The following PKD1L1 variants were observed in gnomAD, a reference collection of about 807,000 sequenced individuals.
PKD1L1 encodes the protein polycystin-1-like protein 1.
In PKD1L1, 236 loss-of-function variants were observed where a neutral mutation model predicts 323.4. The observed-to-expected ratio is 0.73, with a 90% CI of 0.66 to 0.81. The LOEUF (loss-of-function observed/expected upper bound fraction) is 0.81. PKD1L1 is among the 40% of genes least tolerant of loss of function. The pLI is 0.00. For synonymous variants in PKD1L1, 1,344 were observed against 1,335.0 expected (o/e 1.01, Z -0.15); for missense variants, 3,320 against 3,508.0 (o/e 0.95, Z 1.35).
intron 8 of PKD1L1, 62 bp downstream of exon 8, chr7:47,915,370 C>G: frequency 1.3e-6 from 1 of 770,950 alleles, no homozygotes; most frequent in Non-Finnish European, 2.4e-6. Flanking sequence ...AATGAAAATT[C>G]CTGACAAACA....
chr7:47,800,415 G>A (rs1288576739), intron 54 of PKD1L1, among the ~76,000 whole-genome samples: 3 of 152,182 alleles, frequency 2.0e-5, no homozygotes, highest in Non-Finnish European at 4.4e-5. Flanking sequence ...TGGAGGAAGT[G>A]GCACCCTGGG....
chr7:47,941,533 GTATTA>G (rs1238565507), intron 2 of PKD1L1, among the ~76,000 whole-genome samples: 1 of 152,216 alleles, frequency 6.6e-6, no homozygotes, highest in Non-Finnish European at 1.5e-5. Flanking sequence ...AGAGTCCAGT[GTATTA>G]ATATCTTGTG....
intron 24 of PKD1L1, among the ~76,000 whole-genome samples, chr7:47,868,347 C>A (rs1396067104): frequency 6.6e-6 from 1 of 151,694 alleles, no homozygotes. Context: ...GCAGCCTGGG[C>A]GACAGGGTGA....
intron 37 of PKD1L1, 94 bp downstream of exon 37, chr7:47,836,827 G>A (rs1025401583): frequency 4.7e-5 from 66 of 1,413,326 alleles, no homozygotes; most frequent in Middle Eastern, 2.5e-4. Context: ...AACTTTTCTC[G>A]GAGAACTGTG....
intron 13 of PKD1L1, 75 bp downstream of exon 13, chr7:47,902,304 A>G: frequency 6.4e-7 from 1 of 1,553,688 alleles, no homozygotes; most frequent in Non-Finnish European, 8.7e-7. Flanking sequence ...AACTCTCACC[A>G]CTCCAAACAG....
At chr7:47,939,981 G>T (rs1221473637) in intron 3 of PKD1L1, among the ~76,000 whole-genome samples, 1 of 152,186 alleles carries the variant, frequency 6.6e-6, no homozygotes. Flanking sequence ...CTCTGGGCTG[G>T]GCTAGCCCTG....
rs1784645924 is a variant in PKD1L1 at position 47,800,831 on chromosome 7, G to A, written c.8011C>T (p.Leu2671=). 1.2e-6 allele frequency: 2 copies of A among 1,614,004 alleles called. No individual in the cohort carries two copies. Among genetic ancestry groups the A allele is most frequent in the Non-Finnish European group, 1.7e-6 (2 of 1,180,022 alleles). The part of the protein sequence containing the change: ...LAALSHLHRF[L]LSMWVLPPGT... Reference sequence around the variant, plus strand: ...GGTGGTAGAACCCACATAGAGAGCAGAAATCGGTGCAGGTGGGAGAGGGCG... The same window carrying A: ...GGTGGTAGAACCCACATAGAGAGCAAAAATCGGTGCAGGTGGGAGAGGGCG... The change falls in exon 54 of 57, where the codon CTG becomes TTG. Residue 2671 remains leucine, a synonymous_variant. Transcript: ENST00000289672.
Position 47,918,554 on chromosome 7 carries a change from C to T in PKD1L1, c.1061-2955G>A, listed in dbSNP as rs976890395. On this transcript the variant is annotated intron_variant, in intron 7 of 56. Transcript: ENST00000289672. ...TGTACAGAACATTCCATCCAACATA[C>T]GCAGAATATACATTCTATTCAATAG... Among the ~76,000 whole-genome samples, 8 of 151,816 alleles carry T rather than the reference C, an allele frequency of 5.3e-5. No homozygotes were observed. The South Asian group carries it at 8.3e-4, about 16-fold the overall frequency.
At chr7:47,881,830 G>A (rs1786559925) in intron 20 of PKD1L1, 79 bp downstream of exon 20, 1 of 1,409,380 alleles carries the variant, frequency 7.1e-7, no homozygotes, top group Non-Finnish European at 9.6e-7. Context: ...AAAACGAAAA[G>A]TTCAGAAGAA....
Position 47,887,106 on chromosome 7 carries a change from T to C in PKD1L1, c.2836+884A>G, listed in dbSNP as rs79527554. Among the ~76,000 whole-genome samples the C allele has an allele frequency of 3.5e-3, 535 of 152,322 alleles. 3 individuals are homozygous for C. Among genetic ancestry groups the C allele is most frequent in the African/African-American group, 0.013 (524 of 41,586 alleles). On this transcript the variant is annotated intron_variant, in intron 17 of 56. Coordinates refer to ENST00000289672, the MANE Select transcript of PKD1L1 (RefSeq NM_138295.5). Reference sequence around the variant, plus strand: ...CAGCATGGGCTCTGATTCAGAAAAGTTAAATTTACCTAAAAGAATTTGGAA... The same window carrying C: ...CAGCATGGGCTCTGATTCAGAAAAGCTAAATTTACCTAAAAGAATTTGGAA...
chr7:47,877,368 C>T lies in PKD1L1; in HGVS notation c.3663+121G>A, dbSNP rs145237713. ...CAACTTTCCAACATTCAACGGCAGG[C>T]TGAAATCCTTCACAGGTGGGAAGGA... On this transcript the variant is annotated intron_variant, in intron 22 of 56. Transcript: ENST00000289672. The T allele has an allele frequency of 1.6e-4, 225 of 1,395,944 alleles. 1 individual carries two copies. The African/African-American group carries it at 2.9e-3, about 18-fold the overall frequency. The allele number at this position is 1,395,944 out of a possible 1,614,324, so 86.5% of individuals were successfully genotyped here.
At chr7:47,900,957 T>C (rs1267538925) in intron 13 of PKD1L1, among the ~76,000 whole-genome samples, 1 of 151,890 alleles carries the variant, frequency 6.6e-6, no homozygotes, top group East Asian at 1.9e-4. Context: ...ATACTGAAAA[T>C]AAATAATTAG....
intron 56 of PKD1L1, among the ~76,000 whole-genome samples, chr7:47,782,164 G>A (rs1322992290): frequency 1.3e-5 from 2 of 152,166 alleles, no homozygotes; most frequent in Admixed American, 1.3e-4. Flanking sequence ...TAAACCAGCT[G>A]TCTATGAGAG....
Position 47,888,033 on chromosome 7 carries a change from C to G in PKD1L1, c.2793G>C (p.Trp931Cys). ...CTGTTGCATTGACTAAAAAGAGATCCCAGGAATAAGACAGATTCGGTATTT... is the reference window on the plus strand; with the variant it reads ...CTGTTGCATTGACTAAAAAGAGATCGCAGGAATAAGACAGATTCGGTATTT... ...CSEIPNLSYS[W>C]DLFLVNATEK... The change falls in exon 17 of 57, where the codon TGG becomes TGC. Residue 931 changes from tryptophan to cysteine, a missense_variant. Trp to Cys is a radical substitution (Grantham distance 215, BLOSUM62 -2). Coordinates refer to ENST00000289672, the MANE Select transcript of PKD1L1 (RefSeq NM_138295.5). The G allele has an allele frequency of 6.2e-7, 1 of 1,613,782 alleles. No individual in the cohort carries two copies. The highest frequency in any genetic ancestry group is 8.5e-7 in the Non-Finnish European group (1 of 1,179,758).
Position 47,841,772 on chromosome 7 carries a change from G to GCACCCCAC in PKD1L1, c.5445+1182_5445+1189dup, listed in dbSNP as rs1226296556. On this transcript the variant is annotated intron_variant, in intron 34 of 56. Transcript: ENST00000289672. ...TGGGGTTTGATGAATTCACTTCTAG[G>GCACCCCAC]CACCCCACCATTTTTTACTGTGACA... Among the ~76,000 whole-genome samples, 6 of 152,056 alleles carry GCACCCCAC rather than the reference G, an allele frequency of 3.9e-5. No homozygotes were observed. The East Asian group carries it at 1.2e-3, about 29-fold the overall frequency.
chr7:47,937,055 G>T, intron 3 of PKD1L1, 97 bp from the exon 4 acceptor site: 2 of 926,744 alleles, frequency 2.2e-6, no homozygotes, highest in South Asian at 1.5e-5. Flanking sequence ...AATAGCAGTG[G>T]ACCCCTGCTG....
At chr7:47,791,982 C>T (rs1786960415) in intron 56 of PKD1L1, among the ~76,000 whole-genome samples, 1 of 152,192 alleles carries the variant, frequency 6.6e-6, no homozygotes, top group Non-Finnish European at 1.5e-5. Flanking sequence ...GACTCTAGGT[C>T]TGTGAACCAC....
At chr7:47,898,281 T>C (rs980219642) in intron 13 of PKD1L1, 87 bp from the exon 14 acceptor site, 6 of 1,103,230 alleles carry the variant, frequency 5.4e-6, no homozygotes, top group Non-Finnish European at 7.9e-6. Context: ...GTCTTAACTG[T>C]AGATCTCCCA....
chr7:47,793,935 C>T (rs1787013007), intron 55 of PKD1L1, among the ~76,000 whole-genome samples: 1 of 152,122 alleles, frequency 6.6e-6, no homozygotes, highest in African/African-American at 2.4e-5. Context: ...CAGCATTTTG[C>T]CCCACCCTAG....
Sources: allele counts gnomAD v4.1 joint callset (sites outside exome capture counted in the v4.1 genomes callset), GRCh38; gene constraint gnomAD v4.1.1; transcripts MANE v1.5; gene names NCBI Gene and HGNC (gene_info 2026-07-23, HGNC 2026-07-21).